The following ADAM22 variants were observed in gnomAD, a reference collection of about 807,000 sequenced individuals.
The protein encoded by ADAM22 is disintegrin and metalloproteinase domain-containing protein 22.
Under a neutral mutation model 144.6 loss-of-function variants are expected in ADAM22, and 65 were observed. That is an observed-to-expected ratio of 0.45 (90% CI 0.37 to 0.55). The LOEUF (loss-of-function observed/expected upper bound fraction) is 0.55. Ranked by LOEUF, ADAM22 falls within the 20% of genes least tolerant of loss-of-function variation. The pLI is 0.00. For missense variants in ADAM22, 974 were observed against 1,184.9 expected, an observed-to-expected ratio of 0.82 and a Z score of 2.61; for synonymous variants, 391 against 412.6, an observed-to-expected ratio of 0.95 and a Z score of 0.63.
intron 2 of ADAM22, among the ~76,000 whole-genome samples, chr7:87,946,826 G>A (rs1201195826): frequency 6.6e-6 from 1 of 152,152 alleles, no homozygotes; most frequent in Non-Finnish European, 1.5e-5. Flanking sequence ...ATGGTGGACT[G>A]GGTAAAGAAA....
At chr7:88,185,649 G>A (rs1474783766) in intron 29 of ADAM22, among the ~76,000 whole-genome samples, 1 of 152,156 alleles carries the variant, frequency 6.6e-6, no homozygotes, top group African/African-American at 2.4e-5. Context: ...GGCAAACTCT[G>A]AAGGGGATGT....
At chr7:88,150,836 G>A in intron 18 of ADAM22, 145 bp from the exon 19 acceptor site, 1 of 576,428 alleles carries the variant, frequency 1.7e-6, no homozygotes, top group Non-Finnish European at 3.0e-6. Context: ...ACTTGCTCTT[G>A]ACCTCCTTTG....
chr7:87,960,942 A>T (rs1847874575), intron 2 of ADAM22, among the ~76,000 whole-genome samples: 1 of 152,230 alleles, frequency 6.6e-6, no homozygotes, highest in African/African-American at 2.4e-5. Context: ...TCAGTGAATA[A>T]TAAAAAAAAT....
intron 4 of ADAM22, among the ~76,000 whole-genome samples, chr7:88,083,255 G>T: frequency 6.6e-6 from 1 of 151,814 alleles, no homozygotes; most frequent in East Asian, 1.9e-4. Context: ...ACCAAACACC[G>T]CATGTTCTCA....
chr7:88,086,385 A>G (rs1818456910), intron 4 of ADAM22, among the ~76,000 whole-genome samples: 1 of 152,170 alleles, frequency 6.6e-6, no homozygotes, highest in Non-Finnish European at 1.5e-5. Context: ...ATCTGCAGGG[A>G]CATCATCAGC....
chr7:88,067,079 T>C (rs2129477906), intron 3 of ADAM22, among the ~76,000 whole-genome samples: 1 of 152,192 alleles, frequency 6.6e-6, no homozygotes, highest in Admixed American at 6.5e-5. Context: ...AAGTAAATTT[T>C]GAAGTAAGTC....
intron 3 of ADAM22, among the ~76,000 whole-genome samples, chr7:88,048,543 A>G (rs759245882): frequency 6.6e-6 from 1 of 152,076 alleles, no homozygotes; most frequent in Non-Finnish European, 1.5e-5. Context: ...TCATCTTTCA[A>G]TATTCTTTGA....
chr7:87,958,447 G>A (rs943560163), intron 2 of ADAM22, among the ~76,000 whole-genome samples: 2 of 151,532 alleles, frequency 1.3e-5, no homozygotes, highest in Non-Finnish European at 1.5e-5. Context: ...GTGCAATGGC[G>A]TGATCTCGGC....
Position 88,131,364 on chromosome 7 carries a change from C to T in ADAM22, c.921C>T (p.Ile307=). ...TTGCCATATCTGAAAATCCATTGATCACCCTACGTGAGTTTATGAAATACA... is the reference window on the plus strand; with the variant it reads ...TTGCCATATCTGAAAATCCATTGATTACCCTACGTGAGTTTATGAAATACA... The part of the protein sequence containing the change: ...NKFAISENPL[I]TLREFMKYRR... Residue 307 remains isoleucine (I), a synonymous_variant, in exon 11 of 32, where the codon ATC becomes ATT. Transcript: ENST00000413139. 1 of 1,613,794 alleles carries T rather than the reference C, an allele frequency of 6.2e-7. No homozygotes were observed. The highest frequency in any genetic ancestry group is 8.5e-7 in the Non-Finnish European group (1 of 1,179,864).
chr7:88,029,624 A>G (rs896822185), intron 3 of ADAM22, among the ~76,000 whole-genome samples: 1 of 152,154 alleles, frequency 6.6e-6, no homozygotes, highest in African/African-American at 2.4e-5. Flanking sequence ...TTCAGATTGA[A>G]TAACTTTGTT....
chr7:87,998,911 A>G (rs996868388), intron 3 of ADAM22, among the ~76,000 whole-genome samples: 3 of 152,198 alleles, frequency 2.0e-5, no homozygotes, highest in African/African-American at 7.2e-5. Flanking sequence ...ATGTTTGATT[A>G]AAAGTTGTTA....
At chr7:87,995,896 A>G (rs1050130595) in intron 3 of ADAM22, among the ~76,000 whole-genome samples, 1 of 152,242 alleles carries the variant, frequency 6.6e-6, no homozygotes, top group Admixed American at 6.5e-5. Flanking sequence ...TATCTTCTGG[A>G]TAAATCCCAT....
At chr7:88,056,755 G>A (rs1349065347) in intron 3 of ADAM22, among the ~76,000 whole-genome samples, 2 of 152,186 alleles carry the variant, frequency 1.3e-5, no homozygotes, top group Admixed American at 6.5e-5. Flanking sequence ...CTAAAAGGTT[G>A]TCCTAGAAAC....
intron 2 of ADAM22, among the ~76,000 whole-genome samples, chr7:87,975,205 C>T (rs1385795842): frequency 2.6e-5 from 4 of 152,188 alleles, no homozygotes; most frequent in African/African-American, 9.7e-5. Flanking sequence ...CTTAGACCTC[C>T]ATCTTCCCTG....
chr7:88,151,329 A>C lies in ADAM22; in HGVS notation c.1681+9A>C. 2 of 1,614,056 alleles carry C rather than the reference A, an allele frequency of 1.2e-6. No individual in the cohort carries two copies. The highest frequency in any genetic ancestry group is 1.7e-6 in the Non-Finnish European group (2 of 1,179,932). ...ATACATTTGGGGGCAAAGTAAGTAA[A>C]TAGTGTGGCTTGATCATTGTTAAAG... is the stretch of plus-strand genomic sequence containing the variant. On this transcript the variant is annotated intron_variant, in intron 20 of 31. Transcript: ENST00000413139.
intron 5 of ADAM22, among the ~76,000 whole-genome samples, chr7:88,112,134 AG>A (rs1473882978): frequency 3.9e-5 from 6 of 152,186 alleles, no homozygotes. Flanking sequence ...CGTTTTTGAA[AG>A]GCTCCCCCTC....
intron 2 of ADAM22, among the ~76,000 whole-genome samples, chr7:87,974,054 T>A (rs1851244020): frequency 6.6e-6 from 1 of 151,612 alleles, no homozygotes; most frequent in African/African-American, 2.4e-5. Flanking sequence ...AAGCTGCACG[T>A]TGTGCACATG....
At chr7:88,119,476 C>T (rs906856615) in intron 7 of ADAM22, among the ~76,000 whole-genome samples, 3 of 152,134 alleles carry the variant, frequency 2.0e-5, no homozygotes, top group Non-Finnish European at 4.4e-5. Context: ...TATGTTGTGT[C>T]CTATGAATAT....
intron 14 of ADAM22, among the ~76,000 whole-genome samples, chr7:88,141,704 C>G (rs533317682): frequency 6.6e-6 from 1 of 152,060 alleles, no homozygotes; most frequent in African/African-American, 2.4e-5. Flanking sequence ...GTCTGTTCTT[C>G]AATACTATGA....
Sources: gnomAD v4.1 joint callset for allele counts (sites outside exome capture counted in the v4.1 genomes callset) on GRCh38, gnomAD v4.1.1 for gene constraint, MANE v1.5 for transcripts, NCBI Gene and HGNC (gene_info 2026-07-23, HGNC 2026-07-21) for gene names.